GRID1: variants seen among roughly 807,000 people sequenced by gnomAD.
GRID1 encodes glutamate receptor ionotropic, delta-1.
GRID1 carries 28 observed loss-of-function variants against 98.0 expected under a neutral mutation model. The observed-to-expected ratio is 0.29, with a 90% CI of 0.21 to 0.39. The LOEUF is 0.39. Among genes scored for constraint, GRID1 ranks in the 10% least tolerant of loss-of-function variants. The probability of loss-of-function intolerance (pLI) is 1.00; values close to 1 mark genes in which losing one functional copy is unlikely to be tolerated. For synonymous variants in GRID1, 553 were observed against 538.5 expected (o/e 1.03, Z -0.37); for missense variants, 1,111 against 1,340.5 (o/e 0.83, Z 2.67).
At chr10:86,331,765 G>A (rs1564741011) in intron 2 of GRID1, among the ~76,000 whole-genome samples, 1 of 152,228 alleles carries the variant, frequency 6.6e-6, no homozygotes. Flanking sequence ...CTGCAGACAA[G>A]TTGCCATGAG....
At chr10:85,954,281 A>C (rs1842162231) in intron 4 of GRID1, among the ~76,000 whole-genome samples, 1 of 152,198 alleles carries the variant, frequency 6.6e-6, no homozygotes, top group Non-Finnish European at 1.5e-5. Context: ...TAACAGAAAG[A>C]GGTTTACCAT....
intron 2 of GRID1, among the ~76,000 whole-genome samples, chr10:86,340,344 C>T (rs1410370285): frequency 2.0e-5 from 3 of 152,214 alleles, no homozygotes; most frequent in African/African-American, 7.2e-5. Context: ...GCTTCCCTAA[C>T]TGGGCTGTGC....
chr10:85,889,750 C>A (rs761781540), intron 5 of GRID1, among the ~76,000 whole-genome samples: 1 of 152,054 alleles, frequency 6.6e-6, no homozygotes, highest in Non-Finnish European at 1.5e-5. Flanking sequence ...TTTTGAGAAA[C>A]CTCTATACTG....
intron 2 of GRID1, among the ~76,000 whole-genome samples, chr10:86,310,559 C>T (rs940338584): frequency 6.6e-6 from 1 of 152,180 alleles, no homozygotes; most frequent in Non-Finnish European, 1.5e-5. Flanking sequence ...AGTGCCCTTG[C>T]TGAGGAGCAG....
At chr10:85,839,232 G>C (rs1227860199) in intron 8 of GRID1, among the ~76,000 whole-genome samples, 2 of 151,964 alleles carry the variant, frequency 1.3e-5, no homozygotes, top group Non-Finnish European at 2.9e-5. Flanking sequence ...ATTAGACAGA[G>C]CACTGAGAGA....
intron 3 of GRID1, among the ~76,000 whole-genome samples, chr10:86,199,634 C>T (rs997744637): frequency 5.9e-5 from 9 of 152,146 alleles, no homozygotes; most frequent in Non-Finnish European, 1.0e-4. Context: ...CAGCTCCACG[C>T]TCTTTCAGGG....
intron 6 of GRID1, among the ~76,000 whole-genome samples, chr10:85,857,799 G>C (rs1468432452): frequency 6.6e-6 from 1 of 152,122 alleles, no homozygotes; most frequent in Non-Finnish European, 1.5e-5. Context: ...GCTGCAAAAA[G>C]AACCCCTCCT....
chr10:86,151,871 C>G (rs1845174174), intron 3 of GRID1, among the ~76,000 whole-genome samples: 1 of 152,206 alleles, frequency 6.6e-6, no homozygotes, highest in Admixed American at 6.5e-5. Context: ...CTCCCACCCT[C>G]TCAGTGACAG....
At chr10:86,171,067 T>G (rs1845478719) in intron 3 of GRID1, among the ~76,000 whole-genome samples, 1 of 152,180 alleles carries the variant, frequency 6.6e-6, no homozygotes, top group South Asian at 2.1e-4. Flanking sequence ...CTGGAAAGTT[T>G]TAATACTCTC....
chr10:86,189,167 T>C (rs1845766725), intron 3 of GRID1, among the ~76,000 whole-genome samples: 1 of 152,316 alleles, frequency 6.6e-6, no homozygotes, highest in African/African-American at 2.4e-5. Flanking sequence ...AGATATTATG[T>C]GACCCTGGAA....
chr10:86,088,503 C>CGTCCCAGAGAGCATGGGG (rs1233567151), intron 4 of GRID1, among the ~76,000 whole-genome samples: 2 of 152,232 alleles, frequency 1.3e-5, no homozygotes, highest in Non-Finnish European at 2.9e-5. Context: ...ACAGCTGTCA[C>CGTCCCAGAGAGCATGGGG]GTCCCAGAGA....
At chr10:86,335,245 T>C (rs561236076) in intron 2 of GRID1, among the ~76,000 whole-genome samples, 9 of 152,316 alleles carry the variant, frequency 5.9e-5, no homozygotes, top group Admixed American at 5.2e-4. Flanking sequence ...GACTCACAGT[T>C]ATTGAGTACC....
chr10:85,599,802 A>ATATATATATATATATATATATAT lies in GRID1; in HGVS notation c.*2470_*2471insATATATATATATATATATATATA, dbSNP rs1554857296. 1 of 65,000 alleles carries ATATATATATATATATATATATAT rather than the reference A, an allele frequency of 1.5e-5. No individual in the cohort carries two copies. The highest frequency in any genetic ancestry group is 9.3e-5 in the African/African-American group (1 of 10,730). 4.0% of individuals were successfully genotyped at this position (65,000 alleles called of 1,614,324 possible). On this transcript the variant is annotated 3_prime_UTR_variant, in exon 16 of 16. Coordinates refer to ENST00000327946, the MANE Select transcript of GRID1 (RefSeq NM_017551.3). ...GTAGAAAATTCTAAAAAAAAAAAAA[A>ATATATATATATATATATATATAT]ATATATATATATATATATAAACATG...
intron 4 of GRID1, among the ~76,000 whole-genome samples, chr10:85,979,057 G>A (rs1842510118): frequency 6.6e-6 from 1 of 152,048 alleles, no homozygotes; most frequent in Admixed American, 6.6e-5. Context: ...GGTGGGGTGG[G>A]GGGCTCTAAA....
chr10:86,237,144 T>G (rs1263235293), intron 2 of GRID1, among the ~76,000 whole-genome samples: 1 of 152,020 alleles, frequency 6.6e-6, no homozygotes, highest in African/African-American at 2.4e-5. Context: ...TGGGAGGAGG[T>G]GACATTACCT....
chr10:85,793,991 T>C (rs1842504056), intron 8 of GRID1, among the ~76,000 whole-genome samples: 1 of 152,224 alleles, frequency 6.6e-6, no homozygotes, highest in Non-Finnish European at 1.5e-5. Flanking sequence ...GTATTGTGAA[T>C]CATGATAAGA....
intron 12 of GRID1, among the ~76,000 whole-genome samples, chr10:85,661,780 C>A (rs905738894): frequency 6.6e-6 from 1 of 152,208 alleles, no homozygotes; most frequent in Non-Finnish European, 1.5e-5. Flanking sequence ...CAAAATTTAG[C>A]CACAAACCCA....
intron 4 of GRID1, among the ~76,000 whole-genome samples, chr10:86,005,206 A>G (rs1396365039): frequency 6.6e-6 from 1 of 152,168 alleles, no homozygotes; most frequent in African/African-American, 2.4e-5. Context: ...CTCCTGCAGA[A>G]GACTCTATGA....
rs193238726 is a variant in GRID1, at chr10:86,045,492, G to A, written c.726+93327C>T. On this transcript the variant is annotated intron_variant, in intron 4 of 15. Transcript: ENST00000327946. ...AGAGACACTTAGGGCAACAACAGAC[G>A]AGTCACGTCAGTCCTCAGGGTAGCC... Among the ~76,000 whole-genome samples the A allele has an allele frequency of 1.8e-4, 28 of 152,328 alleles. 1 individual carries two copies. The highest frequency in any genetic ancestry group is 5.8e-4 in the East Asian group (3 of 5,180).
Sources: gnomAD v4.1 joint callset for allele counts (sites outside exome capture counted in the v4.1 genomes callset) on GRCh38, gnomAD v4.1.1 for gene constraint, MANE v1.5 for transcripts, NCBI Gene and HGNC (gene_info 2026-07-23, HGNC 2026-07-21) for gene names.